OBSL1: variants seen among roughly 807,000 people sequenced by gnomAD.
OBSL1 encodes obscurin-like protein 1.
In OBSL1, 160 loss-of-function variants were observed where a neutral mutation model predicts 172.0. The ratio of observed to expected loss-of-function variants is 0.93; its 90% CI spans 0.82 to 1.06. The LOEUF (loss-of-function observed/expected upper bound fraction) is 1.06. Ranked by LOEUF, OBSL1 falls within the 50% of genes least tolerant of loss-of-function variation. The pLI is 0.00. For missense variants in OBSL1, 2,681 were observed against 2,715.4 expected, an observed-to-expected ratio of 0.99 and a Z score of 0.28; for synonymous variants, 1,200 against 1,196.3, an observed-to-expected ratio of 1.00 and a Z score of -0.06.
intron 12 of OBSL1, 103 bp from the exon 13 acceptor site, chr2:219,556,826 AC>A: frequency 7.7e-7 from 1 of 1,291,796 alleles, no homozygotes; most frequent in Non-Finnish European, 1.1e-6. Context: ...CATTTAACAG[AC>A]CTTCTGTGAG....
At position 219,554,638 on chromosome 2, in the gene OBSL1, TC is replaced by T; in HGVS notation, c.4711del (p.Glu1571SerfsTer54). ...CAGCTGTACTCCACCCCGGGCCCAC[TC>T]CCCGGTCACACCTTCCTGGGACAGC... ...LELSQEGVTG[E>X]WARGGVQLYP... On this transcript the variant is annotated frameshift_variant, in exon 15 of 21. Coordinates refer to ENST00000404537, the MANE Select transcript of OBSL1 (RefSeq NM_015311.3). LOFTEE classifies it high-confidence loss of function. The T allele has an allele frequency of 6.2e-7, 1 of 1,610,688 alleles. No individual in the cohort carries two copies. The highest frequency in any genetic ancestry group is 8.5e-7 in the Non-Finnish European group (1 of 1,178,616).
At position 219,571,179 on chromosome 2, in the gene OBSL1, C is replaced by T; in HGVS notation, c.54G>A (p.Pro18=). The T allele has an allele frequency of 6.8e-7, 1 of 1,468,336 alleles. No individual in the cohort carries two copies. The highest frequency in any genetic ancestry group is 9.0e-7 in the Non-Finnish European group (1 of 1,110,286). 91.0% of individuals were successfully genotyped at this position (1,468,336 alleles called of 1,614,324 possible). ...QGSPPCFLRF[P]RPVRVVSGAE... ...CGCCACTTACCACCCGCACAGGCCG[C>T]GGGAAGCGCAGGAAGCACGGGGGGC... The change falls in exon 1 of 21, where the codon CCG becomes CCA. Residue 18 remains proline, a synonymous_variant. Transcript: ENST00000404537.
At position 219,552,810 on chromosome 2, in the gene OBSL1, A is replaced by G. The variant is rs866793343; in HGVS notation, c.5146+58T>C. On this transcript the variant is annotated intron_variant, in intron 17 of 20. Coordinates refer to ENST00000404537, the MANE Select transcript of OBSL1 (RefSeq NM_015311.3). ...GCGGTCATCAGGGTCCGGGGAAGAC[A>G]GCTCCGCAAGTCTCGCGCCCAAAGC... The G allele has an allele frequency of 2.7e-5, 42 of 1,532,454 alleles. No homozygotes were observed. The Middle Eastern group carries it at 8.4e-4, about 31-fold the overall frequency. 94.9% of individuals were successfully genotyped at this position (1,532,454 alleles called of 1,614,324 possible). A position where few individuals can be genotyped will look rare whatever the true frequency, so the allele number is the denominator to read the frequency against.
chr2:219,559,152 TG>T, intron 9 of OBSL1, 72 bp downstream of exon 9: 1 of 1,367,324 alleles, frequency 7.3e-7, no homozygotes, highest in Non-Finnish European at 9.9e-7. Flanking sequence ...GTGGGGGAGG[TG>T]GGGCTAGGTG....
downstream of OBSL1, chr2:219,548,136 T>G (rs777284452): frequency 7.0e-7 from 1 of 1,433,834 alleles, no homozygotes; most frequent in Non-Finnish European, 9.2e-7. Flanking sequence ...CAGGGATGGG[T>G]TGGGGGCCAA....
intron 14 of OBSL1, 113 bp downstream of exon 14, chr2:219,555,907 G>T: frequency 6.7e-7 from 1 of 1,501,622 alleles, no homozygotes; most frequent in South Asian, 1.4e-5. Flanking sequence ...GGCCATGGGT[G>T]ACTTTTCTCA....
chr2:219,563,410 GCCC>G lies in OBSL1; in HGVS notation c.2622_2624del (p.Gly875del), dbSNP rs760875026. The G allele has an allele frequency of 6.2e-7, 1 of 1,610,700 alleles. No individual in the cohort carries two copies. The highest frequency in any genetic ancestry group is 1.7e-5 in the Admixed American group (1 of 59,850). On this transcript the variant is annotated inframe_deletion, in exon 7 of 21. Transcript: ENST00000404537. ...CATCTCCAGCGACGCACTGAAACTC[GCCC>G]CCGTCTGAGGGCTGGGTGGCGGGCA...
intron 8 of OBSL1, among the ~76,000 whole-genome samples, chr2:219,561,328 G>C (rs1230977813): frequency 6.6e-6 from 1 of 152,052 alleles, no homozygotes; most frequent in Non-Finnish European, 1.5e-5. Context: ...ACTGGGCTGG[G>C]CGCTGTGAGC....
downstream of OBSL1, among the ~76,000 whole-genome samples, chr2:219,549,538 G>A (rs1695492273): frequency 6.6e-6 from 1 of 152,202 alleles, no homozygotes; most frequent in South Asian, 2.1e-4. Context: ...GGGGAATTGG[G>A]GGAAAGGTTC....
chr2:219,563,230 C>A, intron 7 of OBSL1, 125 bp downstream of exon 7: 3 of 973,150 alleles, frequency 3.1e-6, no homozygotes, highest in Non-Finnish European at 4.5e-6. Context: ...GGGAGGAGGT[C>A]CGATCTGCCA....
Position 219,555,992 on chromosome 2 carries a change from A to G in OBSL1, c.4609+28T>C. On this transcript the variant is annotated intron_variant, in intron 14 of 20. Transcript: ENST00000404537. ...AAAAGGCTGTGGTGTAGGGTGGGTA[A>G]TGCATTAAGAGAGGACGGGGCACTC... 2.5e-6 allele frequency: 4 copies of G among 1,608,664 alleles called. No individual in the cohort carries two copies. The South Asian group carries it at 4.4e-5, about 18-fold the overall frequency.
At chr2:219,566,764 C>T (rs1425166275) in intron 5 of OBSL1, 66 bp downstream of exon 5, 10 of 1,468,314 alleles carry the variant, frequency 6.8e-6, no homozygotes, top group African/African-American at 2.8e-5. Flanking sequence ...GCATCTGCCT[C>T]GTTTTGCCAA....
Position 219,552,862 on chromosome 2 carries a change from A to C in OBSL1, c.5146+6T>G, listed in dbSNP as rs1695737586. On this transcript the variant is annotated splice_donor_region_variant and intron_variant, in intron 17 of 20. Coordinates refer to ENST00000404537, the MANE Select transcript of OBSL1 (RefSeq NM_015311.3). ...GTGCCCAGCCTCCACATCACCCCGT[A>C]CCCACCGCGCACGGTCAGGCGGACC... is the stretch of plus-strand genomic sequence containing the variant. 1.3e-6 allele frequency: 2 copies of C among 1,543,024 alleles called. No homozygotes were observed.
chr2:219,555,079 T>A, intron 14 of OBSL1: 1 of 314,898 alleles, frequency 3.2e-6, no homozygotes, highest in East Asian at 5.5e-5. Context: ...ACATAGTTTG[T>A]GTGCTATGTG....
Position 219,571,088 on chromosome 2 carries a change from CG to C in OBSL1, c.144del (p.Gln50SerfsTer9). 6.8e-7 allele frequency: 1 copy of C among 1,468,746 alleles called. No homozygotes were observed. Among genetic ancestry groups the C allele is most frequent in the Non-Finnish European group, 9.0e-7 (1 of 1,113,868 alleles). 91.0% of individuals were successfully genotyped at this position (1,468,746 alleles called of 1,614,324 possible). A position where few individuals can be genotyped will look rare whatever the true frequency, so the allele number is the denominator to read the frequency against. On this transcript the variant is annotated frameshift_variant, in exon 1 of 21. Transcript: ENST00000404537. LOFTEE classifies it high-confidence loss of function. ...CGTTCCGAGGCCGCCAGCTGCTGCC[CG>C]CCCTTCTCCCACACCACTACAGGCG... ...EPPPVVVWEK[G>X]GQQLAASERL...
downstream of OBSL1, chr2:219,547,588 G>T: frequency 6.8e-7 from 1 of 1,468,450 alleles, no homozygotes; most frequent in Non-Finnish European, 9.0e-7. Flanking sequence ...GCTACCGAGA[G>T]CGGGTGCTAG....
downstream of OBSL1, chr2:219,547,891 C>T (rs528953796): frequency 2.0e-4 from 326 of 1,595,916 alleles, 3 homozygotes; most frequent in South Asian, 3.0e-3. Flanking sequence ...CTGCGCTGAT[C>T]GCCACTGCCG....
chr2:219,553,161 G>C, intron 16 of OBSL1, 137 bp from the exon 17 acceptor site: 1 of 1,220,616 alleles, frequency 8.2e-7, no homozygotes, highest in Non-Finnish European at 1.1e-6. Flanking sequence ...TCCCAGGCTG[G>C]GGTCGGACTG....
intron 15 of OBSL1, among the ~76,000 whole-genome samples, 199 bp from the exon 16 acceptor site, chr2:219,553,885 A>G (rs1349646587): frequency 6.6e-6 from 1 of 151,752 alleles, no homozygotes; most frequent in African/African-American, 2.4e-5. Flanking sequence ...CACAGGGCCA[A>G]TGGGTTAGGA....
Sources: allele counts gnomAD v4.1 joint callset (sites outside exome capture counted in the v4.1 genomes callset), GRCh38; gene constraint gnomAD v4.1.1; transcripts MANE v1.5; gene names NCBI Gene and HGNC (gene_info 2026-07-23, HGNC 2026-07-21).